PPFIA2: variants seen among roughly 807,000 people sequenced by gnomAD.
The protein encoded by PPFIA2 is PPFI scaffold protein A2.
PPFIA2 carries 46 observed loss-of-function variants against 175.5 expected under a neutral mutation model. The observed-to-expected ratio is 0.26, with a 90% CI of 0.21 to 0.34. The LOEUF (loss-of-function observed/expected upper bound fraction) is 0.34, where lower values mean the gene tolerates loss of function less well. Among genes scored for constraint, PPFIA2 ranks in the 10% least tolerant of loss-of-function variants. The pLI is 1.00. For synonymous variants in PPFIA2, 568 were observed against 511.4 expected, an observed-to-expected ratio of 1.11 and a Z score of -1.49; for missense variants, 1,179 against 1,506.1, an observed-to-expected ratio of 0.78 and a Z score of 3.60.
At chr12:81,475,287 C>T (rs527608037) in intron 4 of PPFIA2, among the ~76,000 whole-genome samples, 2 of 152,152 alleles carry the variant, frequency 1.3e-5, no homozygotes, top group African/African-American at 4.8e-5. Context: ...CATTTAGTAA[C>T]TAAAGTTTGA....
chr12:81,355,127 C>T (rs1212173489), intron 16 of PPFIA2, among the ~76,000 whole-genome samples: 1 of 152,168 alleles, frequency 6.6e-6, no homozygotes, highest in African/African-American at 2.4e-5. Context: ...GCCAAAATTA[C>T]TGCTTTATCC....
At position 81,266,814 on chromosome 12, in the gene PPFIA2, A is replaced by C. The variant is rs532044873; in HGVS notation, c.3555+138T>G. 16 of 683,308 alleles carry C rather than the reference A, an allele frequency of 2.3e-5. No individual in the cohort carries two copies. In the South Asian group the frequency reaches 2.8e-4, roughly 12 times the overall value. 42.3% of individuals were successfully genotyped at this position (683,308 alleles called of 1,614,324 possible). On this transcript the variant is annotated intron_variant, in intron 30 of 32. Coordinates refer to ENST00000549396, the MANE Select transcript of PPFIA2 (RefSeq NM_003625.5). ...GTAATAAGATTGAATATTTAACAAC[A>C]AACCTGGAGAAAATTATTGATTCTA...
chr12:81,611,587 G>A (rs1293164937), intron 4 of PPFIA2, among the ~76,000 whole-genome samples: 1 of 152,134 alleles, frequency 6.6e-6, no homozygotes, highest in East Asian at 1.9e-4. Flanking sequence ...CTAGGCACAG[G>A]CCCTGCGGGG....
intron 3 of PPFIA2, among the ~76,000 whole-genome samples, chr12:81,730,179 C>A (rs915159365): frequency 6.6e-6 from 1 of 151,594 alleles, no homozygotes. Flanking sequence ...AGAGAAAGTT[C>A]TACACATTAT....
chr12:81,669,116 A>G (rs1199593973), intron 4 of PPFIA2, among the ~76,000 whole-genome samples: 1 of 151,882 alleles, frequency 6.6e-6, no homozygotes, highest in Admixed American at 6.6e-5. Context: ...GATTTTCTCT[A>G]CTGTTATTTC....
At chr12:81,500,195 T>C (rs1178608470) in intron 4 of PPFIA2, among the ~76,000 whole-genome samples, 1 of 152,108 alleles carries the variant, frequency 6.6e-6, no homozygotes, top group Non-Finnish European at 1.5e-5. Flanking sequence ...CCTTTGGTAG[T>C]TATAAGACAC....
chr12:81,447,461 T>C (rs1390106075), intron 5 of PPFIA2, among the ~76,000 whole-genome samples: 1 of 152,166 alleles, frequency 6.6e-6, no homozygotes, highest in African/African-American at 2.4e-5. Flanking sequence ...CACTCCTTCT[T>C]TGGTTCCTCA....
At chr12:81,667,445 T>C (rs893292504) in intron 4 of PPFIA2, among the ~76,000 whole-genome samples, 1 of 152,068 alleles carries the variant, frequency 6.6e-6, no homozygotes, top group Non-Finnish European at 1.5e-5. Context: ...CATTCTAAAG[T>C]AGAACCATCT....
chr12:81,729,183 G>C lies in PPFIA2; in HGVS notation c.249+24790C>G, dbSNP rs185963059. Among the ~76,000 whole-genome samples the C allele has an allele frequency of 2.7e-3, 415 of 151,550 alleles. 1 individual carries two copies. The highest frequency in any genetic ancestry group is 3.4e-3 in the Non-Finnish European group (232 of 67,624). ...TCTGTTTTTTTATAGGGTCCAAATA[G>C]TGTTATATCTACATTTTTAGAATGA... On this transcript the variant is annotated intron_variant, in intron 3 of 32. Coordinates refer to ENST00000549396, the MANE Select transcript of PPFIA2 (RefSeq NM_003625.5).
intron 22 of PPFIA2, among the ~76,000 whole-genome samples, chr12:81,315,062 G>A (rs1425784235): frequency 1.3e-5 from 2 of 151,652 alleles, no homozygotes; most frequent in African/African-American, 2.4e-5. Context: ...TGTATATTTG[G>A]CATCAAGCAA....
At chr12:81,458,806 A>G (rs1342722372) in intron 4 of PPFIA2, among the ~76,000 whole-genome samples, 2 of 152,174 alleles carry the variant, frequency 1.3e-5, no homozygotes, top group African/African-American at 4.8e-5. Context: ...TAGTAAATAG[A>G]TCCATATTAT....
intron 4 of PPFIA2, among the ~76,000 whole-genome samples, chr12:81,672,434 C>T (rs1234661465): frequency 6.6e-6 from 1 of 151,810 alleles, no homozygotes; most frequent in Non-Finnish European, 1.5e-5. Flanking sequence ...TAAGGACCAT[C>T]AGGAAGACAA....
chr12:81,282,971 A>G (rs539743067), intron 26 of PPFIA2, 39 bp downstream of exon 26: 2 of 1,567,786 alleles, frequency 1.3e-6, no homozygotes, highest in East Asian at 2.2e-5. Flanking sequence ...ATTGCCTACT[A>G]AATGATATTA....
chr12:81,753,088 C>T (rs542380120), intron 3 of PPFIA2, among the ~76,000 whole-genome samples: 21 of 152,012 alleles, frequency 1.4e-4, no homozygotes, highest in African/African-American at 5.1e-4. Context: ...GCGCATGGCA[C>T]CACACCCAGC....
At chr12:81,672,978 C>T (rs527578602) in intron 4 of PPFIA2, among the ~76,000 whole-genome samples, 81 of 151,948 alleles carry the variant, frequency 5.3e-4, no homozygotes, top group African/African-American at 1.9e-3. Flanking sequence ...TTTCCTAAAC[C>T]AAATTGCAAA....
intron 3 of PPFIA2, among the ~76,000 whole-genome samples, chr12:81,699,548 TAAAAC>T (rs2076268852): frequency 9.1e-6 from 1 of 110,008 alleles, no homozygotes; most frequent in African/African-American, 2.7e-5. Flanking sequence ...ATATCCTCTC[TAAAAC>T]AAAAAAAAAA....
intron 4 of PPFIA2, among the ~76,000 whole-genome samples, chr12:81,549,285 A>G (rs1409888857): frequency 1.3e-5 from 2 of 152,118 alleles, no homozygotes; most frequent in Non-Finnish European, 1.5e-5. Flanking sequence ...GATATCAGTC[A>G]CTATTATTCA....
At chr12:81,374,082 A>T (rs1419168370) in intron 11 of PPFIA2, among the ~76,000 whole-genome samples, 1 of 152,046 alleles carries the variant, frequency 6.6e-6, no homozygotes, top group Admixed American at 6.6e-5. Flanking sequence ...TGGCCATATT[A>T]TACAGAAAAT....
At chr12:81,367,417 T>C (rs1277519751) in intron 13 of PPFIA2, among the ~76,000 whole-genome samples, 6 of 151,692 alleles carry the variant, frequency 4.0e-5, no homozygotes, top group African/African-American at 1.2e-4. Context: ...AAATAAATAT[T>C]GCATTTTAAG....
Sources: gnomAD v4.1 joint callset for allele counts (sites outside exome capture counted in the v4.1 genomes callset) on GRCh38, gnomAD v4.1.1 for gene constraint, MANE v1.5 for transcripts, NCBI Gene and HGNC (gene_info 2026-07-23, HGNC 2026-07-21) for gene names.